Variants in NELL1 observed in about 807,000 individuals in gnomAD.
NELL1 encodes the protein neural EGFL like 1, also known as protein kinase C-binding protein NELL1.
A neutral mutation model predicts 107.4 loss-of-function variants in NELL1; 76 were observed. That is an observed-to-expected ratio of 0.71 (90% CI 0.59 to 0.86). NELL1 has a LOEUF of 0.86. Ranked by LOEUF, NELL1 falls within the 40% of genes least tolerant of loss-of-function variation. The pLI, the probability that NELL1 is intolerant of heterozygous loss-of-function variation, is 0.00. For synonymous variants in NELL1, 353 were observed against 341.2 expected, an observed-to-expected ratio of 1.03 and a Z score of -0.38; for missense variants, 1,024 against 1,005.5, an observed-to-expected ratio of 1.02 and a Z score of -0.25.
intron 2 of NELL1, among the ~76,000 whole-genome samples, chr11:20,698,588 T>C (rs1047384511): frequency 3.3e-5 from 5 of 152,232 alleles, no homozygotes; most frequent in African/African-American, 1.2e-4. Flanking sequence ...GTAGAAGATA[T>C]TTTTAAGGAT....
intron 2 of NELL1, among the ~76,000 whole-genome samples, chr11:20,723,820 C>T (rs1319015596): frequency 2.0e-5 from 3 of 152,198 alleles, no homozygotes. Context: ...TAGAATTCTA[C>T]CTGTACATCC....
chr11:21,140,670 A>G (rs1172391154), intron 13 of NELL1, among the ~76,000 whole-genome samples: 4 of 152,216 alleles, frequency 2.6e-5, no homozygotes, highest in Non-Finnish European at 1.5e-5. Flanking sequence ...TGTTTAGGTC[A>G]TATCATAAAA....
chr11:21,210,736 T>G (rs917537191), intron 13 of NELL1, among the ~76,000 whole-genome samples: 1 of 152,164 alleles, frequency 6.6e-6, no homozygotes, highest in Non-Finnish European at 1.5e-5. Context: ...AGCCTCGGTA[T>G]TATTTTCTCC....
At chr11:20,870,633 C>T (rs1474030602) in intron 4 of NELL1, among the ~76,000 whole-genome samples, 1 of 152,196 alleles carries the variant, frequency 6.6e-6, no homozygotes, top group Non-Finnish European at 1.5e-5. Flanking sequence ...TCATCAGACA[C>T]TTTCCGAGCT....
chr11:20,739,165 G>A (rs1043659461), intron 2 of NELL1, among the ~76,000 whole-genome samples: 2 of 152,352 alleles, frequency 1.3e-5, no homozygotes, highest in Non-Finnish European at 2.9e-5. Context: ...TCTGTTGGAC[G>A]CACTGCCTGA....
rs1380995182 is a variant in NELL1 at position 21,299,084 on chromosome 11, A to G, written c.1549+69630A>G. Among the ~76,000 whole-genome samples, 3 of 151,940 alleles carry G rather than the reference A, an allele frequency of 2.0e-5. 1 individual carries two copies. Among genetic ancestry groups the G allele is most frequent in the Admixed American group, 6.6e-5 (1 of 15,220 alleles). On this transcript the variant is annotated intron_variant, in intron 14 of 19. Transcript: ENST00000357134. ...AAGCTTAAAATTCACAGGAGGAGGAAAGTACTTCTCTCCCAGGATCCCCAC... is the reference window on the plus strand; with the variant it reads ...AAGCTTAAAATTCACAGGAGGAGGAGAGTACTTCTCTCCCAGGATCCCCAC...
intron 13 of NELL1, among the ~76,000 whole-genome samples, chr11:21,122,480 T>C (rs1338611286): frequency 6.6e-6 from 1 of 152,216 alleles, no homozygotes; most frequent in Non-Finnish European, 1.5e-5. Flanking sequence ...TATCTATCTA[T>C]TTAATCTATC....
intron 12 of NELL1, among the ~76,000 whole-genome samples, chr11:20,963,950 T>C (rs777606567): frequency 1.3e-5 from 2 of 152,148 alleles, no homozygotes; most frequent in African/African-American, 2.4e-5. Flanking sequence ...AGGTGGCATA[T>C]TGGCTCCTGC....
chr11:20,972,724 G>A (rs995631537), intron 12 of NELL1, among the ~76,000 whole-genome samples: 36 of 149,216 alleles, frequency 2.4e-4, no homozygotes, highest in African/African-American at 9.0e-4. Flanking sequence ...TTTGGATTCA[G>A]TAGGAAATGA....
chr11:21,507,891 C>T (rs1855329341), intron 15 of NELL1, among the ~76,000 whole-genome samples: 1 of 151,874 alleles, frequency 6.6e-6, no homozygotes, highest in Non-Finnish European at 1.5e-5. Context: ...AGCGATTCTC[C>T]TGCCTCAGCC....
intron 13 of NELL1, among the ~76,000 whole-genome samples, chr11:21,221,395 T>C (rs1423739311): frequency 6.6e-6 from 1 of 152,212 alleles, no homozygotes; most frequent in Non-Finnish European, 1.5e-5. Flanking sequence ...ACTGGACTTG[T>C]ACAATAAGTT....
At chr11:21,173,283 G>A (rs781053712) in intron 13 of NELL1, among the ~76,000 whole-genome samples, 6 of 151,682 alleles carry the variant, frequency 4.0e-5, no homozygotes, top group Non-Finnish European at 7.4e-5. Context: ...GGCCAGTGAG[G>A]GAAGAGGCAA....
chr11:21,512,696 T>C lies in NELL1; in HGVS notation c.1646-21678T>C, dbSNP rs139805058. On this transcript the variant is annotated intron_variant, in intron 15 of 19. Transcript: ENST00000357134. ...AGTCTACAAGGCAAGATCGATTATC[T>C]TTATTTCAAAGACAAGGGAGACAAG... 5.4e-3 allele frequency among the ~76,000 whole-genome samples: 817 copies of C among 152,186 alleles called. 20 individuals are homozygous for C. The highest frequency in any genetic ancestry group is 0.034 in the East Asian group (177 of 5,164).
At chr11:21,537,112 T>C (rs1474922471) in intron 16 of NELL1, among the ~76,000 whole-genome samples, 1 of 152,170 alleles carries the variant, frequency 6.6e-6, no homozygotes, top group African/African-American at 2.4e-5. Flanking sequence ...GGGAAAACAT[T>C]TGTAAATGAT....
At chr11:21,479,108 A>T (rs903084250) in intron 15 of NELL1, among the ~76,000 whole-genome samples, 8 of 152,270 alleles carry the variant, frequency 5.3e-5, no homozygotes, top group African/African-American at 1.9e-4. Flanking sequence ...AAGTAGTGCA[A>T]CCACTATGAA....
intron 14 of NELL1, among the ~76,000 whole-genome samples, chr11:21,229,817 G>A (rs753633911): frequency 1.3e-5 from 2 of 152,192 alleles, no homozygotes; most frequent in Non-Finnish European, 2.9e-5. Flanking sequence ...CACACTTGAG[G>A]TATCTGCTTG....
chr11:20,708,326 A>G (rs1444807205), intron 2 of NELL1, among the ~76,000 whole-genome samples: 2 of 152,142 alleles, frequency 1.3e-5, no homozygotes, highest in Admixed American at 1.3e-4. Context: ...GCTTCGGCTC[A>G]CACTCCTTGG....
chr11:20,969,615 C>A (rs58787811), intron 12 of NELL1, among the ~76,000 whole-genome samples: 5,627 of 151,860 alleles, frequency 0.037, 123 homozygotes, highest in East Asian at 0.081. Flanking sequence ...TAACATTTTT[C>A]TTCCCTCCAT....
chr11:21,175,293 T>TCAATTCTAAC, intron 13 of NELL1, among the ~76,000 whole-genome samples: 1 of 151,814 alleles, frequency 6.6e-6, no homozygotes, highest in East Asian at 1.9e-4. Flanking sequence ...GGCTGAATTT[T>TCAATTCTAAC]CAATTCTAAC....
Sources: gnomAD v4.1 joint callset for allele counts (sites outside exome capture counted in the v4.1 genomes callset) on GRCh38, gnomAD v4.1.1 for gene constraint, MANE v1.5 for transcripts, NCBI Gene and HGNC (gene_info 2026-07-23, HGNC 2026-07-21) for gene names.